Variants in PRKN observed in about 807,000 individuals in gnomAD.
PRKN encodes parkin RBR E3 ubiquitin protein ligase, also known as E3 ubiquitin-protein ligase parkin.
A neutral mutation model predicts 59.5 loss-of-function variants in PRKN; 56 were observed. The observed-to-expected ratio is 0.94, with a 90% CI of 0.76 to 1.18. PRKN has a LOEUF of 1.18. Among genes scored for constraint, PRKN ranks in the 50% most tolerant of loss-of-function variants. The pLI, the probability that PRKN is intolerant of heterozygous loss-of-function variation, is 0.00. For synonymous variants in PRKN, 250 were observed against 222.1 expected, an observed-to-expected ratio of 1.13 and a Z score of -1.12; for missense variants, 657 against 596.4, an observed-to-expected ratio of 1.10 and a Z score of -1.06.
chr6:161,748,482 G>A (rs116823127), intron 7 of PRKN, among the ~76,000 whole-genome samples: 15 of 152,068 alleles, frequency 9.9e-5, no homozygotes, highest in African/African-American at 1.9e-4. Context: ...TCCCACCCGC[G>A]CTTTGATTTT....
intron 6 of PRKN, among the ~76,000 whole-genome samples, chr6:161,845,914 A>G (rs879890247): frequency 6.6e-6 from 1 of 152,192 alleles, no homozygotes; most frequent in Non-Finnish European, 1.5e-5. Context: ...GTGTTCCATG[A>G]GTTTAATGGA....
chr6:161,975,255 T>C (rs1583428233), intron 5 of PRKN, among the ~76,000 whole-genome samples: 1 of 151,940 alleles, frequency 6.6e-6, no homozygotes, highest in Admixed American at 6.6e-5. Context: ...CTGGCCAATT[T>C]TTCGTATTAG....
At chr6:162,473,877 A>T (rs1297441805) in intron 1 of PRKN, among the ~76,000 whole-genome samples, 1 of 152,166 alleles carries the variant, frequency 6.6e-6, no homozygotes, top group Non-Finnish European at 1.5e-5. Context: ...TCAAATATGA[A>T]TTCATCTATT....
chr6:161,370,202 T>C (rs181157372), intron 10 of PRKN, among the ~76,000 whole-genome samples: 56 of 151,746 alleles, frequency 3.7e-4, no homozygotes, highest in Admixed American at 1.4e-3. Flanking sequence ...AAGGCCAGAC[T>C]GGTCAATATA....
At position 161,388,658 on chromosome 6, in the gene PRKN, G is replaced by A. The variant is rs987798696; in HGVS notation, c.1084-1781C>T. ...CTCCTAGAATATGGTAGAAATGATGGTGTACCACTTTCTAGGCCCAGGCCT... is the reference window on the plus strand; with the variant it reads ...CTCCTAGAATATGGTAGAAATGATGATGTACCACTTTCTAGGCCCAGGCCT... On this transcript the variant is annotated intron_variant, in intron 9 of 11. Coordinates refer to ENST00000366898, the MANE Select transcript of PRKN (RefSeq NM_004562.3). The surrounding 1 kb of genome is among the most constrained non-coding windows in gnomAD (Gnocchi z 4.3). 1.3e-5 allele frequency among the ~76,000 whole-genome samples: 2 copies of A among 152,194 alleles called. No individual in the cohort carries two copies. Among genetic ancestry groups the A allele is most frequent in the Non-Finnish European group, 2.9e-5 (2 of 68,042 alleles).
At chr6:161,807,035 TGTAA>T (rs1450902632) in intron 6 of PRKN, among the ~76,000 whole-genome samples, 2 of 152,234 alleles carry the variant, frequency 1.3e-5, no homozygotes, top group African/African-American at 2.4e-5. Flanking sequence ...TGATTTGCGC[TGTAA>T]GTGTTAAACT....
chr6:162,064,827 A>T (rs1235728391), intron 4 of PRKN, among the ~76,000 whole-genome samples: 2 of 152,362 alleles, frequency 1.3e-5, no homozygotes, highest in Admixed American at 1.3e-4. Context: ...AAGCTGACCC[A>T]ATGTGGTTGA....
Position 161,561,824 on chromosome 6 carries a change from C to T in PRKN, c.933+7531G>A, listed in dbSNP as rs1465770946. ...TTGTGGTTGCTGCATTTCTCTTTCTCTTCATAGCAAACCCTCTAGAAGGAA... is the reference window on the plus strand; with the variant it reads ...TTGTGGTTGCTGCATTTCTCTTTCTTTTCATAGCAAACCCTCTAGAAGGAA... On this transcript the variant is annotated intron_variant, in intron 8 of 11. Coordinates refer to ENST00000366898, the MANE Select transcript of PRKN (RefSeq NM_004562.3). This position sits in a 1 kb window ranked among gnomAD's most constrained non-coding sequence, Gnocchi z 5.0. Among the ~76,000 whole-genome samples the T allele has an allele frequency of 2.6e-5, 4 of 152,160 alleles. No individual in the cohort carries two copies. Among genetic ancestry groups the T allele is most frequent in the Admixed American group, 6.5e-5 (1 of 15,280 alleles).
chr6:162,106,675 A>T (rs1190043325), intron 4 of PRKN, among the ~76,000 whole-genome samples: 1 of 152,190 alleles, frequency 6.6e-6, no homozygotes, highest in Non-Finnish European at 1.5e-5. Context: ...GCACAGAACA[A>T]CTTTAACAAG....
intron 5 of PRKN, among the ~76,000 whole-genome samples, chr6:162,019,785 A>G (rs1209110724): frequency 1.3e-5 from 2 of 152,096 alleles, no homozygotes; most frequent in African/African-American, 4.8e-5. Context: ...TTGGGAGGCC[A>G]AGGTGGGTGG....
intron 2 of PRKN, among the ~76,000 whole-genome samples, chr6:162,416,675 T>C (rs1158210018): frequency 6.6e-6 from 1 of 152,188 alleles, no homozygotes; most frequent in Non-Finnish European, 1.5e-5. Flanking sequence ...ATATTTACTA[T>C]ATTCTCAAAT....
intron 7 of PRKN, among the ~76,000 whole-genome samples, chr6:161,709,161 T>C (rs1786637075): frequency 1.3e-5 from 2 of 152,216 alleles, no homozygotes; most frequent in Admixed American, 1.3e-4. Context: ...AGCTAATATG[T>C]TTTAAAAATA....
chr6:161,903,439 T>A (rs1778012430), intron 6 of PRKN, among the ~76,000 whole-genome samples: 1 of 152,296 alleles, frequency 6.6e-6, no homozygotes, highest in South Asian at 2.1e-4. Context: ...GAAGTCAAAC[T>A]TCGCGAAGGC....
intron 7 of PRKN, among the ~76,000 whole-genome samples, chr6:161,669,164 G>T (rs955350950): frequency 6.6e-6 from 1 of 152,152 alleles, no homozygotes; most frequent in Admixed American, 6.5e-5. Flanking sequence ...ACAAGGAAGT[G>T]GGCCCTCATC....
chr6:161,884,099 T>A (rs938303434), intron 6 of PRKN, among the ~76,000 whole-genome samples: 2 of 152,198 alleles, frequency 1.3e-5, no homozygotes, highest in African/African-American at 4.8e-5. Context: ...ACTAACTTAC[T>A]TGGTTGGTTA....
intron 3 of PRKN, among the ~76,000 whole-genome samples, chr6:162,211,614 C>T (rs1350670369): frequency 3.3e-5 from 5 of 152,112 alleles, no homozygotes; most frequent in East Asian, 1.9e-4. Context: ...TAGAGCAACA[C>T]GGTGTGAGCC....
intron 4 of PRKN, among the ~76,000 whole-genome samples, chr6:162,081,344 A>G (rs1476498552): frequency 6.6e-6 from 1 of 152,114 alleles, no homozygotes; most frequent in Non-Finnish European, 1.5e-5. Flanking sequence ...AATTTTTTTA[A>G]AATAGTAAGT....
chr6:161,460,090 G>A lies in PRKN; in HGVS notation c.1084-73213C>T, dbSNP rs6935279. 6.6e-6 allele frequency among the ~76,000 whole-genome samples: 1 copy of A among 152,004 alleles called. No homozygotes were observed. Among genetic ancestry groups the A allele is most frequent in the Non-Finnish European group, 1.5e-5 (1 of 68,014 alleles). ...CACAGGGTGAAGCAGGCATGGTGCA[G>A]GAATAGTACGAACAAATATAAACAG... On this transcript the variant is annotated intron_variant, in intron 9 of 11. Transcript: ENST00000366898. This position sits in a 1 kb window ranked among gnomAD's most constrained non-coding sequence, Gnocchi z 5.0.
intron 2 of PRKN, among the ~76,000 whole-genome samples, chr6:162,398,715 G>A (rs1787611146): frequency 6.6e-6 from 1 of 152,066 alleles, no homozygotes; most frequent in Non-Finnish European, 1.5e-5. Flanking sequence ...ACTTCATCAG[G>A]ATCTTCACTT....
Sources: allele counts gnomAD v4.1 joint callset (sites outside exome capture counted in the v4.1 genomes callset), GRCh38; gene constraint gnomAD v4.1.1; non-coding constraint Gnocchi (gnomAD v3.1); transcripts MANE v1.5; gene names NCBI Gene and HGNC (gene_info 2026-07-23, HGNC 2026-07-21).